The following GLIS1 variants were observed in gnomAD, a reference collection of about 807,000 sequenced individuals.
The protein encoded by GLIS1 is GLIS family zinc finger 1.
In GLIS1, 24 loss-of-function variants were observed where a neutral mutation model predicts 63.8. The observed-to-expected ratio is 0.38, with a 90% CI of 0.27 to 0.53. The LOEUF is 0.53. GLIS1 is among the 20% of genes least tolerant of loss of function. GLIS1 has a pLI of 0.85. For synonymous variants in GLIS1, 450 were observed against 482.5 expected (o/e 0.93, Z 0.88); for missense variants, 1,036 against 1,074.1 (o/e 0.96, Z 0.50).
chr1:53,569,527 C>T (rs1353361645), intron 4 of GLIS1, among the ~76,000 whole-genome samples: 1 of 151,630 alleles, frequency 6.6e-6, no homozygotes, highest in East Asian at 1.9e-4. Context: ...CATAAAAATC[C>T]TATAGGAGAT....
At chr1:53,582,395 T>G (rs955348392) in intron 4 of GLIS1, among the ~76,000 whole-genome samples, 4 of 152,202 alleles carry the variant, frequency 2.6e-5, no homozygotes, top group African/African-American at 9.7e-5. Context: ...CCAGCAGCTC[T>G]TTGTGAATCA....
chr1:53,633,594 T>A (rs574459077), intron 2 of GLIS1, among the ~76,000 whole-genome samples: 2 of 152,124 alleles, frequency 1.3e-5, no homozygotes, highest in Admixed American at 6.5e-5. Context: ...TTTACCTCCA[T>A]GTCTGGAAGA....
intron 2 of GLIS1, among the ~76,000 whole-genome samples, chr1:53,710,688 C>T (rs1294490656): frequency 4.6e-5 from 7 of 152,164 alleles, no homozygotes; most frequent in East Asian, 1.9e-4. Context: ...ATGCACTCTC[C>T]GAGCTCCTCC....
chr1:53,596,526 G>A (rs1326363096), intron 3 of GLIS1, among the ~76,000 whole-genome samples: 12 of 152,206 alleles, frequency 7.9e-5, no homozygotes, highest in Admixed American at 6.5e-4. Flanking sequence ...GAGGATGGCT[G>A]CCAGATCGAG....
chr1:53,685,362 G>A (rs1414665730), intron 2 of GLIS1, among the ~76,000 whole-genome samples: 1 of 152,214 alleles, frequency 6.6e-6, no homozygotes, highest in Non-Finnish European at 1.5e-5. Context: ...AGAGCGCCGT[G>A]GTGTCTGCGC....
Position 53,506,416 on chromosome 1 carries a change from A to T in GLIS1, c.*203T>A. 1.7e-6 allele frequency: 1 copy of T among 574,026 alleles called. No homozygotes were observed. Among genetic ancestry groups the T allele is most frequent in the African/African-American group, 1.9e-5 (1 of 53,724 alleles). The allele number at this position is 574,026 out of a possible 1,614,324, so 35.6% of individuals were successfully genotyped here. On this transcript the variant is annotated 3_prime_UTR_variant, in exon 11 of 11. Transcript: ENST00000628545. ...TACAGGGCCACAGATCCTGGCGGGC[A>T]CCTCTGTGCGCCCAGCTCAAGCTCG... is the stretch of plus-strand genomic sequence containing the variant.
At chr1:53,625,676 G>T (rs1171394311) in intron 2 of GLIS1, among the ~76,000 whole-genome samples, 1 of 152,188 alleles carries the variant, frequency 6.6e-6, no homozygotes, top group East Asian at 1.9e-4. Flanking sequence ...AGCCAGCCCT[G>T]ATGCTTTGTA....
intron 2 of GLIS1, among the ~76,000 whole-genome samples, chr1:53,631,230 A>G (rs1054747970): frequency 6.6e-6 from 1 of 152,254 alleles, no homozygotes; most frequent in Non-Finnish European, 1.5e-5. Context: ...ATATTTCCCT[A>G]CAATACCTTC....
chr1:53,727,062 A>G (rs1646812515), intron 2 of GLIS1, among the ~76,000 whole-genome samples: 1 of 152,182 alleles, frequency 6.6e-6, no homozygotes, highest in Non-Finnish European at 1.5e-5. Context: ...CCACTTTTCA[A>G]ATGAGGAAGA....
chr1:53,576,113 A>C (rs755520414), intron 4 of GLIS1, among the ~76,000 whole-genome samples: 23 of 151,326 alleles, frequency 1.5e-4, no homozygotes, highest in Non-Finnish European at 3.2e-4. Flanking sequence ...CAGCTCCTGG[A>C]GACGTGTACC....
At chr1:53,555,396 G>C (rs1644808724) in intron 4 of GLIS1, among the ~76,000 whole-genome samples, 1 of 152,166 alleles carries the variant, frequency 6.6e-6, no homozygotes, top group South Asian at 2.1e-4. Context: ...TGGGCGCGGT[G>C]GTGGGCGCCT....
intron 4 of GLIS1, among the ~76,000 whole-genome samples, chr1:53,566,790 C>A (rs1644940361): frequency 1.3e-5 from 2 of 152,230 alleles, no homozygotes; most frequent in Admixed American, 1.3e-4. Flanking sequence ...TTCCCCTTCA[C>A]CTTCCGCCAT....
chr1:53,679,823 A>G (rs1646255822), intron 2 of GLIS1, among the ~76,000 whole-genome samples: 1 of 152,184 alleles, frequency 6.6e-6, no homozygotes, highest in South Asian at 2.1e-4. Context: ...TGCTGGCCCA[A>G]CTTTTTGACT....
At chr1:53,545,763 C>A (rs566868037) in intron 4 of GLIS1, among the ~76,000 whole-genome samples, 1 of 152,322 alleles carries the variant, frequency 6.6e-6, no homozygotes, top group South Asian at 2.1e-4. Flanking sequence ...CAGTGGGCAG[C>A]GTCATACTTT....
At chr1:53,664,460 T>C (rs1646066415) in intron 2 of GLIS1, among the ~76,000 whole-genome samples, 1 of 152,254 alleles carries the variant, frequency 6.6e-6, no homozygotes, top group Admixed American at 6.5e-5. Flanking sequence ...TTGCCTCCAA[T>C]GTCATCATCA....
chr1:53,599,353 A>C (rs985057543), intron 3 of GLIS1, among the ~76,000 whole-genome samples: 1 of 152,160 alleles, frequency 6.6e-6, no homozygotes, highest in African/African-American at 2.4e-5. Context: ...TGGTGCCTTT[A>C]TAAGACGAAA....
chr1:53,600,032 G>GT, intron 3 of GLIS1, 69 bp downstream of exon 3: 1 of 883,952 alleles, frequency 1.1e-6, no homozygotes, highest in Non-Finnish European at 1.5e-6. Context: ...AAAAGAGGAG[G>GT]TGAGGCCTGA....
chr1:53,524,503 G>A (rs1024382039), intron 6 of GLIS1, among the ~76,000 whole-genome samples: 4 of 152,266 alleles, frequency 2.6e-5, no homozygotes, highest in African/African-American at 2.4e-5. Flanking sequence ...CACAAGCCGC[G>A]GGAGGTGCAC....
At position 53,691,778 on chromosome 1, in the gene GLIS1, C is replaced by G. The variant is rs74921937; in HGVS notation, c.259+46028G>C. Among the ~76,000 whole-genome samples the G allele has an allele frequency of 9.5e-3, 1,440 of 152,248 alleles. 19 individuals carry two copies. The highest frequency in any genetic ancestry group is 0.033 in the African/African-American group (1,385 of 41,514). On this transcript the variant is annotated intron_variant, in intron 2 of 10. Transcript: ENST00000628545. ...GTTTCTCTAAATGGCCTCTATATTC[C>G]TTTCATGGCCAATCCTGACCTCCCT...
Sources: allele counts gnomAD v4.1 joint callset (sites outside exome capture counted in the v4.1 genomes callset), GRCh38; gene constraint gnomAD v4.1.1; transcripts MANE v1.5; gene names NCBI Gene and HGNC (gene_info 2026-07-23, HGNC 2026-07-21).